CYP19A1: variants seen among roughly 807,000 people sequenced by gnomAD.
CYP19A1 encodes the protein aromatase.
CYP19A1 carries 32 observed loss-of-function variants against 44.4 expected under a neutral mutation model. The observed-to-expected ratio is 0.72, with a 90% CI of 0.54 to 0.97. The LOEUF (loss-of-function observed/expected upper bound fraction) is 0.97. Among genes scored for constraint, CYP19A1 ranks in the 50% least tolerant of loss-of-function variants. The probability of loss-of-function intolerance (pLI) is 0.00; values close to 1 mark genes in which losing one functional copy is unlikely to be tolerated. For synonymous variants in CYP19A1, 212 were observed against 215.6 expected, an observed-to-expected ratio of 0.98 and a Z score of 0.14; for missense variants, 598 against 637.8, an observed-to-expected ratio of 0.94 and a Z score of 0.67.
intron 1 of CYP19A1, among the ~76,000 whole-genome samples, chr15:51,334,047 G>A (rs1045024155): frequency 6.6e-6 from 1 of 152,128 alleles, no homozygotes; most frequent in Non-Finnish European, 1.5e-5. Flanking sequence ...ACCAGGCTTG[G>A]CTTTCTTTCC....
intron 1 of CYP19A1, among the ~76,000 whole-genome samples, chr15:51,306,637 C>T (rs1451557301): frequency 6.6e-6 from 1 of 152,156 alleles, no homozygotes; most frequent in Admixed American, 6.5e-5. Context: ...TTGCAAAGTT[C>T]TAGTAAATTA....
At position 51,215,817 on chromosome 15, in the gene CYP19A1, G is replaced by T; in HGVS notation, c.744C>A (p.Val248=). 1 of 1,613,526 alleles carries T rather than the reference G, an allele frequency of 6.2e-7. No homozygotes were observed. The highest frequency in any genetic ancestry group is 8.5e-7 in the Non-Finnish European group (1 of 1,179,924). ...CTTCTATGGCATCTTTCAAATCCTT[G>T]CTGGAAAAAAAGTCAAAATATTGTC... The part of the protein sequence containing the change: ...SWLYKKYEKS[V]KDLKDAIEVL... The change falls in exon 7 of 10, where the codon GTC becomes GTA. Residue 248 remains valine (V), a splice_region_variant and synonymous_variant. Transcript: ENST00000396402.
At chr15:51,231,197 T>C (rs995806477) in intron 3 of CYP19A1, among the ~76,000 whole-genome samples, 19 of 152,214 alleles carry the variant, frequency 1.2e-4, no homozygotes, top group Non-Finnish European at 2.2e-4. Flanking sequence ...ATTGCAAAAA[T>C]GTGCAACCTT....
chr15:51,270,854 C>T (rs748876093), intron 1 of CYP19A1, among the ~76,000 whole-genome samples: 61 of 152,108 alleles, frequency 4.0e-4, no homozygotes, highest in Non-Finnish European at 7.8e-4. Flanking sequence ...GTCTTTAGAC[C>T]GACTGTCTTG....
rs532351419 is a variant in CYP19A1 at position 51,213,148 on chromosome 15, T to C, written c.1022-587A>G. 3.3e-5 allele frequency among the ~76,000 whole-genome samples: 5 copies of C among 152,296 alleles called. No individual in the cohort carries two copies. The East Asian group carries it at 7.7e-4, about 24-fold the overall frequency. On this transcript the variant is annotated intron_variant, in intron 8 of 9. Transcript: ENST00000396402. ...TTTTCTCTTCTGGTTACCTGTGCAG[T>C]CATCTGCCCATACATGTCACTGATA...
intron 1 of CYP19A1, among the ~76,000 whole-genome samples, chr15:51,283,212 G>A (rs1364098464): frequency 2.4e-5 from 3 of 124,342 alleles, no homozygotes; most frequent in African/African-American, 9.4e-5. Context: ...GGAAATTAAA[G>A]AAAGGGAAAC....
chr15:51,267,027 AGGT>A, intron 1 of CYP19A1, among the ~76,000 whole-genome samples: 1 of 152,318 alleles, frequency 6.6e-6, no homozygotes, highest in Non-Finnish European at 1.5e-5. Context: ...AGAAAATCTG[AGGT>A]GGGCAGGAAC....
At chr15:51,299,248 C>A (rs1446192188) in intron 1 of CYP19A1, among the ~76,000 whole-genome samples, 2 of 152,186 alleles carry the variant, frequency 1.3e-5, no homozygotes, top group African/African-American at 4.8e-5. Context: ...CACACTCATC[C>A]CCGCCTCCAA....
intron 1 of CYP19A1, among the ~76,000 whole-genome samples, chr15:51,329,763 C>T (rs1002254530): frequency 2.0e-5 from 3 of 152,208 alleles, no homozygotes; most frequent in African/African-American, 7.2e-5. Context: ...ATGTATTGAA[C>T]ATCTACTACA....
chr15:51,322,045 G>GAGCT (rs1262878257), intron 1 of CYP19A1: 1 of 152,244 alleles, frequency 6.6e-6, no homozygotes, highest in Non-Finnish European at 1.5e-5. Flanking sequence ...TGAGAAGATG[G>GAGCT]AGCTACAGCT....
chr15:51,328,870 A>G (rs116396605), intron 1 of CYP19A1, among the ~76,000 whole-genome samples: 5,473 of 152,242 alleles, frequency 0.036, 305 homozygotes, highest in African/African-American at 0.13. Context: ...TTACTGTCCC[A>G]CAAGTAAGAG....
intron 1 of CYP19A1, among the ~76,000 whole-genome samples, chr15:51,264,203 T>C (rs1281172999): frequency 2.0e-5 from 3 of 152,094 alleles, no homozygotes; most frequent in Non-Finnish European, 4.4e-5. Context: ...GAATGAGATT[T>C]CAGAGGAGGC....
intron 1 of CYP19A1, among the ~76,000 whole-genome samples, chr15:51,300,459 T>C (rs1027118708): frequency 3.3e-5 from 5 of 152,174 alleles, no homozygotes; most frequent in Admixed American, 3.3e-4. Flanking sequence ...GGGCAGATGA[T>C]TGGGTGTGAT....
chr15:51,215,929 G>A (rs2031530197), intron 6 of CYP19A1, 112 bp from the exon 7 acceptor site: 2 of 1,542,530 alleles, frequency 1.3e-6, no homozygotes, highest in Admixed American at 1.9e-5. Flanking sequence ...GAAAACATTG[G>A]TGCTTATGAG....
At chr15:51,294,428 T>G (rs2035929754) in intron 1 of CYP19A1, among the ~76,000 whole-genome samples, 1 of 142,936 alleles carries the variant, frequency 7.0e-6, no homozygotes, top group African/African-American at 2.7e-5. Context: ...GAGGAGACCC[T>G]CCGCCTGGCA....
chr15:51,233,645 CAG>C (rs1193469578), intron 3 of CYP19A1, among the ~76,000 whole-genome samples: 2 of 152,120 alleles, frequency 1.3e-5, no homozygotes, highest in African/African-American at 2.4e-5. Flanking sequence ...ATTATTAAGA[CAG>C]ATGTAAAAAT....
chr15:51,242,080 G>A (rs1425419395), intron 2 of CYP19A1: 1 of 153,760 alleles, frequency 6.5e-6, no homozygotes, highest in African/African-American at 2.4e-5. Flanking sequence ...GGAAGGGTGG[G>A]GTTTTCTATT....
At chr15:51,229,389 CAAA>C (rs202007253) in intron 3 of CYP19A1, among the ~76,000 whole-genome samples, 6 of 96,514 alleles carry the variant, frequency 6.2e-5, no homozygotes, top group African/African-American at 4.4e-5. Flanking sequence ...GATCCTATCT[CAAA>C]AAAAAAAAAA....
intron 4 of CYP19A1, among the ~76,000 whole-genome samples, chr15:51,227,501 C>T (rs959097264): frequency 6.6e-6 from 1 of 151,786 alleles, no homozygotes; most frequent in Non-Finnish European, 1.5e-5. Context: ...GAAACCCCAT[C>T]GCTACAAAAA....
Sources: gnomAD v4.1 joint callset for allele counts (sites outside exome capture counted in the v4.1 genomes callset) on GRCh38, gnomAD v4.1.1 for gene constraint, MANE v1.5 for transcripts, NCBI Gene and HGNC (gene_info 2026-07-23, HGNC 2026-07-21) for gene names.